Variants in SFMBT2 observed in about 807,000 individuals in gnomAD.
The protein encoded by SFMBT2 is Scm like with four mbt domains 2.
In SFMBT2, 38 loss-of-function variants were observed where a neutral mutation model predicts 110.1. The ratio of observed to expected loss-of-function variants is 0.35; its 90% confidence interval spans 0.27 to 0.45. SFMBT2 has a LOEUF of 0.45. Among genes scored for constraint, SFMBT2 ranks in the 20% least tolerant of loss-of-function variants. SFMBT2 has a pLI of 1.00. For synonymous variants in SFMBT2, 425 were observed against 425.4 expected, an observed-to-expected ratio of 1.00 and a Z score of 0.01; for missense variants, 1,011 against 1,094.9, an observed-to-expected ratio of 0.92 and a Z score of 1.08.
chr10:7,361,662 C>G (rs1442529107), intron 4 of SFMBT2, among the ~76,000 whole-genome samples: 2 of 152,320 alleles, frequency 1.3e-5, no homozygotes, highest in East Asian at 1.9e-4. Context: ...TCTGCCAAGA[C>G]TGCAGAGTAC....
chr10:7,168,024 C>T (rs1837744107), intron 20 of SFMBT2, among the ~76,000 whole-genome samples: 1 of 151,238 alleles, frequency 6.6e-6, no homozygotes, highest in Non-Finnish European at 1.5e-5. Context: ...GCCGAGATCG[C>T]GCCATTGCAC....
intron 10 of SFMBT2, 107 bp from the exon 11 acceptor site, chr10:7,220,644 A>G (rs897921802): frequency 8.8e-6 from 10 of 1,139,404 alleles, no homozygotes; most frequent in Admixed American, 5.5e-5. Flanking sequence ...TTACATCGAC[A>G]AGACAGGCTC....
intron 6 of SFMBT2, among the ~76,000 whole-genome samples, chr10:7,280,389 G>A (rs1041604973): frequency 1.3e-4 from 18 of 139,128 alleles, no homozygotes; most frequent in Non-Finnish European, 3.1e-5. Flanking sequence ...CTAAAAAAAT[G>A]GGGGGAGGGG....
Position 7,241,000 on chromosome 10 carries a change from C to T in SFMBT2, c.1120+2558G>A, listed in dbSNP as rs117456900. 4.9e-3 allele frequency among the ~76,000 whole-genome samples: 743 copies of T among 152,252 alleles called. 5 individuals are homozygous for T. The highest frequency in any genetic ancestry group is 7.0e-3 in the Non-Finnish European group (475 of 68,022). On this transcript the variant is annotated intron_variant, in intron 9 of 20. Coordinates refer to ENST00000397167, the MANE Select transcript of SFMBT2 (RefSeq NM_001387889.1). ...TAACTCCCACAATTCCCACATGTCACGGGAGGAACCTGGTGGGAGGTGATT... is the reference window on the plus strand; with the variant it reads ...TAACTCCCACAATTCCCACATGTCATGGGAGGAACCTGGTGGGAGGTGATT...
chr10:7,221,781 G>A (rs79744204), intron 10 of SFMBT2, among the ~76,000 whole-genome samples: 2,469 of 152,090 alleles, frequency 0.016, 34 homozygotes, highest in Admixed American at 0.021. Context: ...TTTACATAGA[G>A]TAAAATTCAG....
chr10:7,376,354 T>C (rs909270545), intron 2 of SFMBT2, among the ~76,000 whole-genome samples: 7 of 152,124 alleles, frequency 4.6e-5, no homozygotes, highest in Admixed American at 1.3e-4. Flanking sequence ...AATTTTATAT[T>C]GTGCCTATTT....
intron 11 of SFMBT2, among the ~76,000 whole-genome samples, chr10:7,209,955 A>G (rs569686585): frequency 6.6e-6 from 1 of 152,370 alleles, no homozygotes; most frequent in Non-Finnish European, 1.5e-5. Context: ...CACAGAGGTC[A>G]GGTTAATGAG....
At chr10:7,250,822 T>C (rs991837987) in intron 7 of SFMBT2, among the ~76,000 whole-genome samples, 2 of 152,200 alleles carry the variant, frequency 1.3e-5, no homozygotes, top group Middle Eastern at 3.2e-3. Flanking sequence ...TTTCAAAACA[T>C]TTATTTTTAA....
At chr10:7,277,102 C>CGTTCT (rs775804440) in intron 6 of SFMBT2, 113 bp from the exon 7 acceptor site, 4 of 688,558 alleles carry the variant, frequency 5.8e-6, no homozygotes, top group Non-Finnish European at 1.0e-5. Flanking sequence ...GGTCAGTGAC[C>CGTTCT]GTGAGTGTTC....
intron 4 of SFMBT2, among the ~76,000 whole-genome samples, chr10:7,353,384 C>CAAAT (rs1844389194): frequency 1.3e-5 from 2 of 151,502 alleles, no homozygotes; most frequent in Non-Finnish European, 2.9e-5. Flanking sequence ...GAAAGACTTG[C>CAAAT]AAATATATTA....
chr10:7,184,446 G>A (rs1254242222), intron 16 of SFMBT2, among the ~76,000 whole-genome samples: 1 of 152,110 alleles, frequency 6.6e-6, no homozygotes, highest in African/African-American at 2.4e-5. Context: ...GTGATTATGA[G>A]GCCTCCCCAG....
At chr10:7,263,223 C>T (rs972462232) in intron 7 of SFMBT2, among the ~76,000 whole-genome samples, 4 of 149,980 alleles carry the variant, frequency 2.7e-5, no homozygotes, top group South Asian at 4.2e-4. Flanking sequence ...ATCAAAACAG[C>T]CTCTATTTCT....
intron 4 of SFMBT2, among the ~76,000 whole-genome samples, chr10:7,343,662 A>G (rs1844000753): frequency 6.6e-6 from 1 of 152,134 alleles, no homozygotes; most frequent in Non-Finnish European, 1.5e-5. Flanking sequence ...ATTTTTCCAT[A>G]TGCTTGTTGG....
chr10:7,215,558 T>G, intron 11 of SFMBT2: 1 of 985,462 alleles, frequency 1.0e-6, no homozygotes, highest in Non-Finnish European at 1.2e-6. Flanking sequence ...GGCACTGCTC[T>G]GCTCAACCAA....
chr10:7,394,582 G>T (rs1339590994), intron 1 of SFMBT2, among the ~76,000 whole-genome samples: 6 of 141,500 alleles, frequency 4.2e-5, no homozygotes, highest in Non-Finnish European at 9.0e-5. Flanking sequence ...CTGCAAACAC[G>T]CCAGGAGTGA....
intron 11 of SFMBT2, chr10:7,207,404 GGAAA>G (rs1160159984): frequency 1.9e-5 from 3 of 156,876 alleles, no homozygotes; most frequent in African/African-American, 1.0e-4. Context: ...AAGAGAGAAA[GGAAA>G]GAAAGAAAGA....
At chr10:7,229,663 C>G (rs1840053266) in intron 9 of SFMBT2, among the ~76,000 whole-genome samples, 2 of 150,434 alleles carry the variant, frequency 1.3e-5, no homozygotes, top group Admixed American at 1.3e-4. Flanking sequence ...CTTGTATTCC[C>G]AAGCAAAGAA....
intron 15 of SFMBT2, among the ~76,000 whole-genome samples, chr10:7,193,242 G>A (rs938668392): frequency 6.6e-6 from 1 of 152,158 alleles, no homozygotes; most frequent in Non-Finnish European, 1.5e-5. Context: ...GCCCCTGCCT[G>A]CTCAGCACCC....
intron 11 of SFMBT2, among the ~76,000 whole-genome samples, chr10:7,219,458 T>C (rs1427888410): frequency 7.9e-5 from 12 of 152,194 alleles, no homozygotes; most frequent in Non-Finnish European, 1.0e-4. Context: ...CTGGACTACA[T>C]ATGTATGAGA....
Sources: allele counts gnomAD v4.1 joint callset (sites outside exome capture counted in the v4.1 genomes callset), GRCh38; gene constraint gnomAD v4.1.1; transcripts MANE v1.5; gene names NCBI Gene and HGNC (gene_info 2026-07-23, HGNC 2026-07-21).